The following EIF4EBP1 variants were observed in gnomAD, a reference collection of about 807,000 sequenced individuals.
EIF4EBP1 encodes the protein eukaryotic translation initiation factor 4E binding protein 1.
Under a neutral mutation model 9.2 loss-of-function variants are expected in EIF4EBP1, and 5 were observed. That is an observed-to-expected ratio of 0.54 (90% CI 0.28 to 1.14). The LOEUF (loss-of-function observed/expected upper bound fraction) is 1.14. Ranked by LOEUF, EIF4EBP1 falls within the 50% of genes most tolerant of loss-of-function variation. EIF4EBP1 has a pLI of 0.09. For missense variants in EIF4EBP1, 139 were observed against 169.6 expected, an observed-to-expected ratio of 0.82 and a Z score of 1.00; for synonymous variants, 62 against 67.0, an observed-to-expected ratio of 0.93 and a Z score of 0.36.
intron 1 of EIF4EBP1, among the ~76,000 whole-genome samples, chr8:38,054,507 C>T (rs779617941): frequency 1.6e-4 from 24 of 151,974 alleles, no homozygotes; most frequent in African/African-American, 5.6e-4. Flanking sequence ...GCACTCTTGC[C>T]GAGTCTCAAA....
intron 1 of EIF4EBP1, among the ~76,000 whole-genome samples, chr8:38,045,676 G>A (rs1809439838): frequency 6.6e-6 from 1 of 152,064 alleles, no homozygotes; most frequent in Non-Finnish European, 1.5e-5. Context: ...TTGTTCTCCA[G>A]CCTGGGCAGC....
intron 1 of EIF4EBP1, among the ~76,000 whole-genome samples, chr8:38,043,349 T>C (rs1313709457): frequency 6.6e-6 from 1 of 151,574 alleles, no homozygotes; most frequent in African/African-American, 2.4e-5. Flanking sequence ...CAATTTTCTT[T>C]TCTTTTCTTT....
chr8:38,056,927 T>G (rs1356888913), intron 1 of EIF4EBP1, among the ~76,000 whole-genome samples, 154 bp from the exon 2 acceptor site: 1 of 152,140 alleles, frequency 6.6e-6, no homozygotes, highest in Non-Finnish European at 1.5e-5. Flanking sequence ...TCTCCCAAAG[T>G]GCTGGGATTA....
Position 38,033,695 on chromosome 8 carries a change from A to C in EIF4EBP1, c.145+2977A>C, listed in dbSNP as rs1054673773. On this transcript the variant is annotated intron_variant, in intron 1 of 2. Coordinates refer to ENST00000338825, the MANE Select transcript of EIF4EBP1 (RefSeq NM_004095.4). ...TGATTGTCCCTGGAGGGAAAGAAGC[A>C]GCAGTTGGGTTGCACTATCTCCATT... Among the ~76,000 whole-genome samples, 11 of 150,500 alleles carry C rather than the reference A, an allele frequency of 7.3e-5. No individual in the cohort carries two copies. The East Asian group carries it at 2.0e-3, about 27-fold the overall frequency.
At chr8:38,047,457 T>G (rs919782521) in intron 1 of EIF4EBP1, 1 of 149,770 alleles carries the variant, frequency 6.7e-6, no homozygotes, top group African/African-American at 2.5e-5. Context: ...TTCATGGGAG[T>G]TAAGGTGTAG....
intron 1 of EIF4EBP1, among the ~76,000 whole-genome samples, chr8:38,032,431 T>C (rs1809237781): frequency 6.6e-6 from 1 of 151,986 alleles, no homozygotes. Flanking sequence ...AGCCCAGGAG[T>C]TGGAGGCTGT....
intron 1 of EIF4EBP1, among the ~76,000 whole-genome samples, chr8:38,039,888 A>G (rs1809353221): frequency 6.6e-6 from 1 of 151,698 alleles, no homozygotes; most frequent in African/African-American, 2.4e-5. Flanking sequence ...AAAAACTTTT[A>G]ACAGATAGGG....
chr8:38,038,195 T>C (rs897754807), intron 1 of EIF4EBP1, among the ~76,000 whole-genome samples: 1 of 152,050 alleles, frequency 6.6e-6, no homozygotes, highest in Non-Finnish European at 1.5e-5. Flanking sequence ...GTAGGAATTG[T>C]ACTTTTAAAA....
intron 1 of EIF4EBP1, among the ~76,000 whole-genome samples, chr8:38,055,655 T>C (rs1809584663): frequency 6.6e-6 from 1 of 151,944 alleles, no homozygotes; most frequent in Admixed American, 6.6e-5. Flanking sequence ...ATCACTACTA[T>C]ATATGGAACA....
Position 38,030,718 on chromosome 8 carries a change from G to T in EIF4EBP1, c.145G>T (p.Gly49Cys). 1 of 1,395,780 alleles carries T rather than the reference G, an allele frequency of 7.2e-7. No individual in the cohort carries two copies. The highest frequency in any genetic ancestry group is 3.0e-5 in the East Asian group (1 of 33,128). 86.5% of individuals were successfully genotyped at this position (1,395,780 alleles called of 1,614,324 possible). A position where few individuals can be genotyped will look rare whatever the true frequency, so the allele number is the denominator to read the frequency against. ...CACGCTCTTCAGCACCACCCCGGGA[G>T]GTAGGCGCGGGCTTGGCGACGCCGC... ...GGTLFSTTPG[G>C]TRIIYDRKFL... Residue 49 changes from glycine (G) to cysteine (C), a missense_variant and splice_region_variant, in exon 1 of 3, where the codon GGT becomes TGT. Physicochemically the swap from Gly to Cys is radical, Grantham distance 159. Coordinates refer to ENST00000338825, the MANE Select transcript of EIF4EBP1 (RefSeq NM_004095.4).
chr8:38,036,363 A>T (rs1809303208), intron 1 of EIF4EBP1, among the ~76,000 whole-genome samples: 1 of 152,028 alleles, frequency 6.6e-6, no homozygotes, highest in Admixed American at 6.6e-5. Flanking sequence ...ACAAAAAAAA[A>T]TTAGCCGGGC....
chr8:38,035,013 G>A (rs1041876272), intron 1 of EIF4EBP1, among the ~76,000 whole-genome samples: 7 of 152,180 alleles, frequency 4.6e-5, no homozygotes, highest in Non-Finnish European at 1.0e-4. Context: ...CCAGCTATTA[G>A]GAAGGCTGAG....
At chr8:38,042,334 T>C (rs573979448) in intron 1 of EIF4EBP1, among the ~76,000 whole-genome samples, 1 of 152,290 alleles carries the variant, frequency 6.6e-6, no homozygotes, top group Admixed American at 6.5e-5. Flanking sequence ...GTGGACAGTG[T>C]GGAGGTCTCT....
intron 1 of EIF4EBP1, among the ~76,000 whole-genome samples, chr8:38,049,507 G>T (rs536238854): frequency 2.7e-5 from 4 of 148,104 alleles, no homozygotes; most frequent in Non-Finnish European, 5.9e-5. Flanking sequence ...CTTGAGACAG[G>T]TTCTCGCTCT....
intron 1 of EIF4EBP1, among the ~76,000 whole-genome samples, chr8:38,038,840 A>G (rs1392938098): frequency 6.6e-6 from 1 of 151,826 alleles, no homozygotes; most frequent in Non-Finnish European, 1.5e-5. Flanking sequence ...CTCAGGCCAC[A>G]TGCACTCTGG....
intron 1 of EIF4EBP1, among the ~76,000 whole-genome samples, chr8:38,031,311 C>T (rs1036413576): frequency 4.6e-5 from 7 of 152,092 alleles, no homozygotes; most frequent in African/African-American, 1.4e-4. Context: ...CCTGGCGCCA[C>T]GGCCAGGGCT....
At chr8:38,043,234 G>A (rs1809406824) in intron 1 of EIF4EBP1, among the ~76,000 whole-genome samples, 1 of 152,158 alleles carries the variant, frequency 6.6e-6, no homozygotes, top group Non-Finnish European at 1.5e-5. Context: ...TTCACCCATA[G>A]GGTGCATTTG....
chr8:38,037,609 G>A (rs1278376736), intron 1 of EIF4EBP1, among the ~76,000 whole-genome samples: 1 of 152,046 alleles, frequency 6.6e-6, no homozygotes, highest in Non-Finnish European at 1.5e-5. Flanking sequence ...TACCATGCCT[G>A]GTCAGGATAA....
chr8:38,056,874 GC>G (rs1369426256), intron 1 of EIF4EBP1, among the ~76,000 whole-genome samples: 5 of 152,024 alleles, frequency 3.3e-5, no homozygotes, highest in African/African-American at 1.2e-4. Context: ...TGTTAGCCAG[GC>G]TGGTCTCGAA....
Sources: allele counts gnomAD v4.1 joint callset (sites outside exome capture counted in the v4.1 genomes callset), GRCh38; gene constraint gnomAD v4.1.1; transcripts MANE v1.5; gene names NCBI Gene and HGNC (gene_info 2026-07-23, HGNC 2026-07-21).